Variants in TP63 observed in about 807,000 individuals in gnomAD.
The protein encoded by TP63 is tumor protein 63.
Under a neutral mutation model 82.8 loss-of-function variants are expected in TP63, and 17 were observed. That is an observed-to-expected ratio of 0.21 (90% CI 0.14 to 0.31). The LOEUF (loss-of-function observed/expected upper bound fraction) is 0.31, where lower values mean the gene tolerates loss of function less well. TP63 is among the 10% of genes least tolerant of loss of function. TP63 has a pLI of 1.00. For synonymous variants in TP63, 330 were observed against 321.7 expected, an observed-to-expected ratio of 1.03 and a Z score of -0.28; for missense variants, 648 against 895.3, an observed-to-expected ratio of 0.72 and a Z score of 3.52.
chr3:189,862,794 T>A (rs747054881), intron 4 of TP63, among the ~76,000 whole-genome samples: 1 of 152,152 alleles, frequency 6.6e-6, no homozygotes, highest in Non-Finnish European at 1.5e-5. Context: ...GTTTCCCAAG[T>A]AGAATTTTAT....
chr3:189,882,050 T>C (rs1719974759), intron 10 of TP63, among the ~76,000 whole-genome samples: 1 of 151,840 alleles, frequency 6.6e-6, no homozygotes, highest in Non-Finnish European at 1.5e-5. Flanking sequence ...TAGATAAATA[T>C]TTCAGAAAAA....
intron 13 of TP63, 77 bp from the exon 14 acceptor site, chr3:189,894,129 A>C: frequency 6.4e-7 from 1 of 1,553,852 alleles, no homozygotes; most frequent in South Asian, 1.1e-5. Flanking sequence ...GCATCAGGGA[A>C]TGATAGGATG....
At chr3:189,759,563 T>G (rs1265990248) in intron 3 of TP63, among the ~76,000 whole-genome samples, 1 of 152,182 alleles carries the variant, frequency 6.6e-6, no homozygotes, top group African/African-American at 2.4e-5. Context: ...TCAATACATA[T>G]GAGGTATACA....
intron 4 of TP63, among the ~76,000 whole-genome samples, chr3:189,821,446 C>T (rs1378166636): frequency 2.0e-5 from 3 of 152,172 alleles, no homozygotes; most frequent in Non-Finnish European, 4.4e-5. Context: ...GCTACTTTGT[C>T]ATCTTTTGTC....
At chr3:189,871,144 A>G (rs1459253149) in intron 9 of TP63, among the ~76,000 whole-genome samples, 1 of 152,174 alleles carries the variant, frequency 6.6e-6, no homozygotes, top group African/African-American at 2.4e-5. Flanking sequence ...AGTTTGTACT[A>G]AGAAGGAGGT....
intron 1 of TP63, among the ~76,000 whole-genome samples, chr3:189,719,134 C>A (rs1028007063): frequency 6.6e-6 from 1 of 151,902 alleles, no homozygotes; most frequent in African/African-American, 2.4e-5. Context: ...AAGCCATAGA[C>A]GCACGAAGGA....
At chr3:189,612,471 A>G in the TP63 span, among the ~76,000 whole-genome samples, 2 of 152,214 alleles carry the variant, frequency 1.3e-5, no homozygotes, top group Non-Finnish European at 2.9e-5. Context: ...GCCATGTGGA[A>G]CTGTAGGTTC....
intron 1 of TP63, among the ~76,000 whole-genome samples, chr3:189,677,700 T>C (rs1386008137): frequency 1.3e-5 from 2 of 152,018 alleles, no homozygotes; most frequent in African/African-American, 2.4e-5. Flanking sequence ...TTGCACTAAT[T>C]TATATTCCCA....
At chr3:189,670,657 C>T (rs1714811065) in intron 1 of TP63, among the ~76,000 whole-genome samples, 1 of 151,956 alleles carries the variant, frequency 6.6e-6, no homozygotes, top group South Asian at 2.1e-4. Context: ...TCAAAATATG[C>T]TACAAAGCAT....
intron 1 of TP63, among the ~76,000 whole-genome samples, chr3:189,722,543 C>T (rs11710127): frequency 0.54 from 82,121 of 152,004 alleles, 22,360 homozygotes; most frequent in Middle Eastern, 0.66. Context: ...AGATCCCAGC[C>T]AGTGAACGCA....
rs114878945 is a variant in TP63 at position 189,764,125 on chromosome 3, G to A, written c.324+25351G>A. On this transcript the variant is annotated intron_variant, in intron 3 of 13. Coordinates refer to ENST00000264731, the MANE Select transcript of TP63 (RefSeq NM_003722.5). ...CATTGTCAAAAGAGGTGGGTGTCTT[G>A]GGATTATGATTAAGTCCCTCTGGCA... Among the ~76,000 whole-genome samples, 1,250 of 152,184 alleles carry A rather than the reference G, an allele frequency of 8.2e-3. 6 individuals are homozygous for A. Among genetic ancestry groups the A allele is most frequent in the Non-Finnish European group, 0.013 (895 of 68,004 alleles).
At chr3:189,639,176 T>C (rs1711582472) in intron 1 of TP63, among the ~76,000 whole-genome samples, 1 of 152,272 alleles carries the variant, frequency 6.6e-6, no homozygotes, top group Non-Finnish European at 1.5e-5. Flanking sequence ...CAACAAGTGA[T>C]GGGTAGATAA....
At position 189,631,429 on chromosome 3, in the gene TP63, C is replaced by G. The variant is rs747090025; in HGVS notation, c.-87C>G. 1.9e-6 allele frequency: 3 copies of G among 1,598,236 alleles called. No homozygotes were observed. Among genetic ancestry groups the G allele is most frequent in the African/African-American group, 1.4e-5 (1 of 73,938 alleles). ...TTTGACCCTATTGCTTTTAGCCTCC[C>G]GGCTTTATATCTATATATACACAGG... On this transcript the variant is annotated 5_prime_UTR_variant, in exon 1 of 14. Coordinates refer to ENST00000264731, the MANE Select transcript of TP63 (RefSeq NM_003722.5).
At chr3:189,831,293 C>T (rs79792381) in intron 4 of TP63, among the ~76,000 whole-genome samples, 4,720 of 152,232 alleles carry the variant, frequency 0.031, 102 homozygotes, top group Middle Eastern at 0.044. Context: ...GTTATTGATC[C>T]TTATTTATTT....
rs886803085 is a variant in TP63, at chr3:189,647,825, T to C, written c.62+16248T>C. On this transcript the variant is annotated intron_variant, in intron 1 of 13. Transcript: ENST00000264731. ...ATAGAAAATTTAGTAATAAAAATCA[T>C]GAGATTCAAAACAAGTGACTAAAAA... 1.4e-4 allele frequency among the ~76,000 whole-genome samples: 21 copies of C among 146,612 alleles called. 4 individuals are homozygous for C. The highest frequency in any genetic ancestry group is 3.6e-4 in the African/African-American group (14 of 39,238).
chr3:189,612,858 C>G, the TP63 span, among the ~76,000 whole-genome samples: 1 of 152,134 alleles, frequency 6.6e-6, no homozygotes, highest in African/African-American at 2.4e-5. Flanking sequence ...GGCATTTTGC[C>G]CTTGCCCTAG....
chr3:189,666,878 C>T (rs2108663035), intron 1 of TP63, among the ~76,000 whole-genome samples: 1 of 141,562 alleles, frequency 7.1e-6, no homozygotes, highest in East Asian at 2.0e-4. Flanking sequence ...GGTTTACATG[C>T]ATTTACAAAA....
At chr3:189,774,665 G>A (rs1258774396) in intron 3 of TP63, among the ~76,000 whole-genome samples, 5 of 152,160 alleles carry the variant, frequency 3.3e-5, no homozygotes, top group Non-Finnish European at 7.3e-5. Flanking sequence ...TAAATGAGAT[G>A]ATGTAGGTGT....
At chr3:189,661,645 A>G (rs1408901223) in intron 1 of TP63, among the ~76,000 whole-genome samples, 1 of 152,038 alleles carries the variant, frequency 6.6e-6, no homozygotes, top group Non-Finnish European at 1.5e-5. Context: ...TTTTGATAGA[A>G]TTGGTACCTT....
Sources: allele counts gnomAD v4.1 joint callset (sites outside exome capture counted in the v4.1 genomes callset), GRCh38; gene constraint gnomAD v4.1.1; transcripts MANE v1.5; gene names NCBI Gene and HGNC (gene_info 2026-07-23, HGNC 2026-07-21).